Variants in KCNH7 observed in about 807,000 individuals in gnomAD.
KCNH7 encodes potassium voltage-gated channel subfamily H member 7, also known as voltage-gated inwardly rectifying potassium channel KCNH7.
A neutral mutation model predicts 120.8 loss-of-function variants in KCNH7; 49 were observed. The observed-to-expected ratio is 0.41, with a 90% CI of 0.32 to 0.51. The LOEUF is 0.51. KCNH7 is among the 20% of genes least tolerant of loss of function. The probability of loss-of-function intolerance (pLI) is 0.38; values close to 1 mark genes in which losing one functional copy is unlikely to be tolerated. For missense variants in KCNH7, 1,097 were observed against 1,446.6 expected (o/e 0.76, Z 3.92); for synonymous variants, 547 against 516.1 (o/e 1.06, Z -0.81).
chr2:162,443,212 T>A (rs1688479837), intron 7 of KCNH7, among the ~76,000 whole-genome samples: 1 of 152,196 alleles, frequency 6.6e-6, no homozygotes, highest in Non-Finnish European at 1.5e-5. Flanking sequence ...CAGGATTCTA[T>A]CTAACATTTA....
chr2:162,584,528 T>C (rs1238571892), intron 2 of KCNH7, among the ~76,000 whole-genome samples: 1 of 152,096 alleles, frequency 6.6e-6, no homozygotes, highest in Non-Finnish European at 1.5e-5. Flanking sequence ...CAAAAGAATC[T>C]TGTTACAAAA....
Position 162,371,419 on chromosome 2 carries a change from T to A in KCNH7, c.*410A>T, listed in dbSNP as rs1685941189. ...CCCTGGAATTCCCATGAGTTGAGGA[T>A]CATCTGAATTTGAGTTGCATCCATG... On this transcript the variant is annotated 3_prime_UTR_variant, in exon 16 of 16. Coordinates refer to ENST00000332142, the MANE Select transcript of KCNH7 (RefSeq NM_033272.4). 1.6e-6 allele frequency: 2 copies of A among 1,288,184 alleles called. No homozygotes were observed. The highest frequency in any genetic ancestry group is 2.0e-6 in the Non-Finnish European group (2 of 988,254). 79.8% of individuals were successfully genotyped at this position (1,288,184 alleles called of 1,614,324 possible).
intron 2 of KCNH7, among the ~76,000 whole-genome samples, chr2:162,761,741 G>T (rs1374825781): frequency 6.6e-6 from 1 of 152,062 alleles, no homozygotes; most frequent in Non-Finnish European, 1.5e-5. Context: ...ACAGTGGAAA[G>T]AAATCTGCCT....
chr2:162,594,589 G>A (rs546700797), intron 2 of KCNH7, among the ~76,000 whole-genome samples: 8 of 151,922 alleles, frequency 5.3e-5, no homozygotes, highest in African/African-American at 7.2e-5. Context: ...ATATCTGTTG[G>A]TTCCACATCC....
chr2:162,459,413 G>A (rs1160186633), intron 6 of KCNH7, among the ~76,000 whole-genome samples: 1 of 152,168 alleles, frequency 6.6e-6, no homozygotes, highest in Non-Finnish European at 1.5e-5. Flanking sequence ...TTCCTAAAGT[G>A]TAGTTATTGC....
rs1255613356 is a variant in KCNH7, at chr2:162,622,717, C to T, written c.308-85637G>A. On this transcript the variant is annotated intron_variant, in intron 2 of 15. Coordinates refer to ENST00000332142, the MANE Select transcript of KCNH7 (RefSeq NM_033272.4). Reference sequence around the variant, plus strand: ...GTATGTGCCACTAAGAGGCCAGTTGCAACTGGTCGTAAAACCTGGTAGTAA... The same window carrying T: ...GTATGTGCCACTAAGAGGCCAGTTGTAACTGGTCGTAAAACCTGGTAGTAA... Among the ~76,000 whole-genome samples, 3 of 152,100 alleles carry T rather than the reference C, an allele frequency of 2.0e-5. No homozygotes were observed. The East Asian group carries it at 5.8e-4, about 29-fold the overall frequency.
At chr2:162,657,063 C>G (rs1684788410) in intron 2 of KCNH7, among the ~76,000 whole-genome samples, 1 of 152,126 alleles carries the variant, frequency 6.6e-6, no homozygotes. Context: ...CAAAATGGAG[C>G]AGAACGTACA....
chr2:162,613,222 A>G (rs1201810898), intron 2 of KCNH7, among the ~76,000 whole-genome samples: 4 of 152,000 alleles, frequency 2.6e-5, no homozygotes, highest in African/African-American at 9.7e-5. Flanking sequence ...ATATTTCAAT[A>G]GCAGCCTGAA....
intron 2 of KCNH7, among the ~76,000 whole-genome samples, chr2:162,733,340 C>G (rs1687793032): frequency 6.6e-6 from 1 of 152,168 alleles, no homozygotes; most frequent in African/African-American, 2.4e-5. Context: ...TAAACCCCTC[C>G]CTATTGCAGG....
At chr2:162,688,744 T>TTC (rs1574268439) in intron 2 of KCNH7, among the ~76,000 whole-genome samples, 1 of 151,746 alleles carries the variant, frequency 6.6e-6, no homozygotes, top group East Asian at 1.9e-4. Context: ...TTTTTTTTTT[T>TTC]TTTCTTTTTT....
intron 4 of KCNH7, 134 bp from the exon 5 acceptor site, chr2:162,512,808 A>G (rs1691125239): frequency 3.0e-6 from 2 of 663,372 alleles, no homozygotes; most frequent in Non-Finnish European, 5.0e-6. Context: ...TTTAATTGAA[A>G]TTAACATTTT....
At chr2:162,585,745 A>G (rs914658687) in intron 2 of KCNH7, among the ~76,000 whole-genome samples, 1 of 151,970 alleles carries the variant, frequency 6.6e-6, no homozygotes, top group African/African-American at 2.4e-5. Flanking sequence ...CATTGACCCA[A>G]GCTGAGAGTA....
chr2:162,804,236 G>C (rs1450695855), intron 2 of KCNH7, among the ~76,000 whole-genome samples: 2 of 151,738 alleles, frequency 1.3e-5, no homozygotes, highest in African/African-American at 2.4e-5. Context: ...AAGTCCTAGA[G>C]AGCAGTCAGG....
At chr2:162,380,441 G>T (rs559911001) in intron 13 of KCNH7, among the ~76,000 whole-genome samples, 1 of 152,188 alleles carries the variant, frequency 6.6e-6, no homozygotes, top group Admixed American at 6.5e-5. Flanking sequence ...AGGATAACTT[G>T]CATACGTTAT....
intron 13 of KCNH7, among the ~76,000 whole-genome samples, chr2:162,381,586 T>C (rs371499041): frequency 1.3e-5 from 2 of 152,252 alleles, no homozygotes; most frequent in African/African-American, 4.8e-5. Flanking sequence ...GGAATTAGCA[T>C]ATCCAAAGTC....
chr2:162,801,040 T>A (rs529291900), intron 2 of KCNH7, among the ~76,000 whole-genome samples: 24 of 151,834 alleles, frequency 1.6e-4, no homozygotes, highest in Non-Finnish European at 3.2e-4. Context: ...AAATTCATGT[T>A]TTTTAAAGCC....
At chr2:162,707,827 G>A (rs1343946024) in intron 2 of KCNH7, among the ~76,000 whole-genome samples, 2 of 152,088 alleles carry the variant, frequency 1.3e-5, no homozygotes, top group African/African-American at 4.8e-5. Flanking sequence ...CCTCCTGGTG[G>A]TTTCTAGAAT....
intron 6 of KCNH7, among the ~76,000 whole-genome samples, chr2:162,466,509 T>C (rs560919752): frequency 6.6e-6 from 1 of 152,278 alleles, no homozygotes; most frequent in East Asian, 1.9e-4. Context: ...AGCATGAGGG[T>C]AACCATGTGG....
chr2:162,417,972 G>A (rs1000856011), intron 9 of KCNH7, among the ~76,000 whole-genome samples: 2 of 152,128 alleles, frequency 1.3e-5, no homozygotes, highest in African/African-American at 4.8e-5. Context: ...CCTTTTAAAA[G>A]CACCTGCTGT....
Sources: allele counts gnomAD v4.1 joint callset (sites outside exome capture counted in the v4.1 genomes callset), GRCh38; gene constraint gnomAD v4.1.1; transcripts MANE v1.5; gene names NCBI Gene and HGNC (gene_info 2026-07-23, HGNC 2026-07-21).